The following DPP8 variants were observed in gnomAD, a reference collection of about 807,000 sequenced individuals.
DPP8 encodes dipeptidyl peptidase 8, also known as DPP VIII.
Under a neutral mutation model 107.5 loss-of-function variants are expected in DPP8, and 31 were observed. That is an observed-to-expected ratio of 0.29 (90% confidence interval 0.22 to 0.39). The LOEUF is 0.39. DPP8 is among the 10% of genes least tolerant of loss of function. DPP8 has a pLI of 1.00. For synonymous variants in DPP8, 381 were observed against 356.6 expected (o/e 1.07, Z -0.77); for missense variants, 842 against 1,076.1 (o/e 0.78, Z 3.04).
At chr15:65,461,901 C>T (rs1434936552) in intron 15 of DPP8, among the ~76,000 whole-genome samples, 1 of 151,096 alleles carries the variant, frequency 6.6e-6, no homozygotes, top group African/African-American at 2.4e-5. Flanking sequence ...GCACAGCCGA[C>T]CGTTTTTTTT....
chr15:65,513,050 T>C (rs182474906), intron 1 of DPP8, among the ~76,000 whole-genome samples: 22 of 152,208 alleles, frequency 1.4e-4, no homozygotes, highest in African/African-American at 5.3e-4. Context: ...GGTAATAAAA[T>C]TGTCAAAAAT....
chr15:65,503,295 G>A (rs4776688), intron 3 of DPP8, among the ~76,000 whole-genome samples: 66,964 of 151,836 alleles, frequency 0.44, 17,189 homozygotes, highest in Non-Finnish European at 0.57. Flanking sequence ...TAGTAGAGAC[G>A]GGGTTTCTCC....
At chr15:65,496,316 GA>G (rs1233952239) in intron 5 of DPP8, among the ~76,000 whole-genome samples, 1 of 152,062 alleles carries the variant, frequency 6.6e-6, no homozygotes, top group Non-Finnish European at 1.5e-5. Flanking sequence ...TGATGATGAT[GA>G]GGGGATAATG....
chr15:65,478,167 C>T (rs2066576565), intron 11 of DPP8, among the ~76,000 whole-genome samples: 1 of 152,090 alleles, frequency 6.6e-6, no homozygotes, highest in Admixed American at 6.6e-5. Flanking sequence ...AGACCTATAA[C>T]TATAAATTAA....
At chr15:65,450,608 TAAAAG>T (rs2063906875) in intron 19 of DPP8, 1 of 153,804 alleles carries the variant, frequency 6.5e-6, no homozygotes, top group Non-Finnish European at 1.4e-5. Flanking sequence ...CAATGTAAAA[TAAAAG>T]AAAATCAAAA....
intron 6 of DPP8, among the ~76,000 whole-genome samples, chr15:65,489,579 A>T (rs2067804161): frequency 2.4e-5 from 2 of 84,914 alleles, no homozygotes; most frequent in African/African-American, 9.7e-5. Flanking sequence ...ATGCCCAGCT[A>T]ATTTTTTTTT....
intron 19 of DPP8, among the ~76,000 whole-genome samples, chr15:65,448,024 A>G (rs771092693): frequency 3.3e-5 from 5 of 152,092 alleles, no homozygotes; most frequent in Non-Finnish European, 7.4e-5. Context: ...CATCTGAAGT[A>G]TAAGATCCAC....
At chr15:65,454,891 T>C (rs1251677164) in intron 16 of DPP8, among the ~76,000 whole-genome samples, 1 of 152,158 alleles carries the variant, frequency 6.6e-6, no homozygotes, top group Non-Finnish European at 1.5e-5. Context: ...CCCTCAAATT[T>C]TTTAAAAATC....
chr15:65,460,144 C>T (rs2064788925), intron 15 of DPP8, among the ~76,000 whole-genome samples: 1 of 151,964 alleles, frequency 6.6e-6, no homozygotes, highest in African/African-American at 2.4e-5. Context: ...AAATTCTGTA[C>T]CCATTAATAA....
At chr15:65,515,680 A>G (rs1247407391) in intron 1 of DPP8, 1 of 1,613,908 alleles carries the variant, frequency 6.2e-7, no homozygotes, top group Non-Finnish European at 8.5e-7. Context: ...ATCTGCTCAG[A>G]TCTCTTCCAC....
chr15:65,460,142 T>C (rs1302694168), intron 15 of DPP8, among the ~76,000 whole-genome samples: 2 of 152,038 alleles, frequency 1.3e-5, no homozygotes, highest in African/African-American at 4.8e-5. Context: ...AGAAATTCTG[T>C]ACCCATTAAT....
In DPP8 at chr15:65,479,033, C is replaced by G; in HGVS notation, c.1303G>C (p.Asp435His). The G allele has an allele frequency of 6.4e-7, 1 of 1,571,058 alleles. No individual in the cohort carries two copies. Among genetic ancestry groups the G allele is most frequent in the Non-Finnish European group, 8.6e-7 (1 of 1,162,304 alleles). ...ETTDIWINIH[D>H]IFHVFPQSHE... ...CTTTGGGGAAAAACATGAAAGATGT[C>G]ATGGATCTGTAAAATGAATAGCTAA... Residue 435 changes from aspartate to histidine, a missense_variant, in exon 11 of 20, where the codon GAC becomes CAC. Asp to His is a moderately conservative substitution (Grantham distance 81). Around this residue, in one of 2 missense-constraint regions of DPP8, gnomAD observed 663 missense variants for 758.0 expected, o/e 0.87. Transcript: ENST00000300141.
chr15:65,448,653 C>T (rs1175496489), intron 19 of DPP8, among the ~76,000 whole-genome samples: 3 of 99,712 alleles, frequency 3.0e-5, no homozygotes, highest in Non-Finnish European at 5.6e-5. Flanking sequence ...GCCTGGGTGA[C>T]AGAGCGAAAC....
chr15:65,506,868 C>T (rs1013652777), intron 3 of DPP8, among the ~76,000 whole-genome samples: 1 of 151,456 alleles, frequency 6.6e-6, no homozygotes, highest in African/African-American at 2.4e-5. Context: ...GAACTTTGTA[C>T]CTTTATTTTA....
intron 18 of DPP8, among the ~76,000 whole-genome samples, chr15:65,451,573 C>T (rs1194089992): frequency 6.6e-6 from 1 of 152,098 alleles, no homozygotes; most frequent in Non-Finnish European, 1.5e-5. Flanking sequence ...TTGAATTTTT[C>T]ATTAGGATTA....
chr15:65,473,413 G>C (rs896643671), intron 12 of DPP8, among the ~76,000 whole-genome samples: 1 of 151,964 alleles, frequency 6.6e-6, no homozygotes, highest in South Asian at 2.1e-4. Context: ...AAAGAAAACT[G>C]ATAAATGTAG....
chr15:65,461,165 G>A (rs1480336987), intron 15 of DPP8, among the ~76,000 whole-genome samples: 2 of 152,050 alleles, frequency 1.3e-5, no homozygotes, highest in Non-Finnish European at 2.9e-5. Flanking sequence ...TTTTTCTTGA[G>A]ACAGGATCTT....
chr15:65,490,771 G>A (rs1325854373), intron 5 of DPP8, among the ~76,000 whole-genome samples: 1 of 152,052 alleles, frequency 6.6e-6, no homozygotes, highest in Non-Finnish European at 1.5e-5. Flanking sequence ...TCATTCAGTT[G>A]GAGCAGCTCA....
intron 5 of DPP8, among the ~76,000 whole-genome samples, chr15:65,492,725 AG>A (rs2068164813): frequency 6.6e-6 from 1 of 151,966 alleles, no homozygotes. Flanking sequence ...CCTCCCAAGT[AG>A]CTGGGACACA....
Sources: allele counts gnomAD v4.1 joint callset (sites outside exome capture counted in the v4.1 genomes callset), GRCh38; gene constraint gnomAD v4.1.1; regional missense constraint gnomAD v4.1.1; transcripts MANE v1.5; gene names NCBI Gene and HGNC (gene_info 2026-07-23, HGNC 2026-07-21).